SOX6: variants seen among roughly 807,000 people sequenced by gnomAD.
The protein encoded by SOX6 is SRY-box transcription factor 6.
A neutral mutation model predicts 97.8 loss-of-function variants in SOX6; 11 were observed. That is an observed-to-expected ratio of 0.11 (90% CI 0.07 to 0.19). The LOEUF (loss-of-function observed/expected upper bound fraction) is 0.19, where lower values mean the gene tolerates loss of function less well. Among genes scored for constraint, SOX6 ranks in the 10% least tolerant of loss-of-function variants. The pLI is 1.00. For missense variants in SOX6, 810 were observed against 1,039.5 expected (o/e 0.78, Z 3.04); for synonymous variants, 360 against 371.4 (o/e 0.97, Z 0.35).
intron 4 of SOX6, among the ~76,000 whole-genome samples, chr11:16,224,460 T>A (rs1445004560): frequency 6.6e-6 from 1 of 152,064 alleles, no homozygotes; most frequent in Non-Finnish European, 1.5e-5. Flanking sequence ...CTTAATCATA[T>A]GGTAGGAATT....
intron 3 of SOX6, among the ~76,000 whole-genome samples, chr11:16,623,327 C>A (rs1477618514): frequency 6.6e-6 from 1 of 152,138 alleles, no homozygotes; most frequent in Non-Finnish European, 1.5e-5. Flanking sequence ...AGCTGCTGAG[C>A]ATTTTTTAAT....
At chr11:16,356,010 G>A (rs967987438) in intron 1 of SOX6, among the ~76,000 whole-genome samples, 84 bp downstream of exon 1, 1 of 151,904 alleles carries the variant, frequency 6.6e-6, no homozygotes, top group Admixed American at 6.6e-5. Context: ...CACCCAATCA[G>A]GTAGGCTTTG....
chr11:16,222,656 G>C (rs1311074077), intron 4 of SOX6, among the ~76,000 whole-genome samples: 1 of 152,076 alleles, frequency 6.6e-6, no homozygotes, highest in African/African-American at 2.4e-5. Flanking sequence ...GAGTGCAAAT[G>C]TCTCCTGTCA....
At chr11:16,290,794 G>C (rs1308303351) in intron 3 of SOX6, among the ~76,000 whole-genome samples, 1 of 151,986 alleles carries the variant, frequency 6.6e-6, no homozygotes, top group East Asian at 1.9e-4. Flanking sequence ...TCATTTTCAG[G>C]CAATTACCTT....
intron 3 of SOX6, chr11:16,311,317 A>C (rs143939924): frequency 6.6e-6 from 1 of 152,270 alleles, no homozygotes; most frequent in East Asian, 1.9e-4. Flanking sequence ...AATAGTTATA[A>C]TTACAGAAGC....
chr11:16,334,247 G>T (rs1357895501), intron 2 of SOX6, among the ~76,000 whole-genome samples: 1 of 151,778 alleles, frequency 6.6e-6, no homozygotes, highest in African/African-American at 2.4e-5. Context: ...AAATACAAAA[G>T]AAATGCAAAA....
intron 3 of SOX6, among the ~76,000 whole-genome samples, chr11:16,692,878 A>T (rs1848026700): frequency 6.6e-6 from 1 of 152,208 alleles, no homozygotes; most frequent in Admixed American, 6.5e-5. Flanking sequence ...AAATTGCATC[A>T]TATCATAAGC....
At chr11:16,648,854 A>G (rs942451627) in intron 3 of SOX6, among the ~76,000 whole-genome samples, 11 of 152,218 alleles carry the variant, frequency 7.2e-5, no homozygotes, top group Non-Finnish European at 1.5e-4. Flanking sequence ...AACAAACTTA[A>G]AAATTATATT....
chr11:16,649,428 G>A (rs1054364349), intron 3 of SOX6, among the ~76,000 whole-genome samples: 2 of 152,130 alleles, frequency 1.3e-5, no homozygotes, highest in Non-Finnish European at 2.9e-5. Flanking sequence ...CTTCTCAGCA[G>A]AAACCTTACA....
At chr11:16,165,041 C>A (rs985572930) in intron 6 of SOX6, among the ~76,000 whole-genome samples, 1 of 152,054 alleles carries the variant, frequency 6.6e-6, no homozygotes, top group Non-Finnish European at 1.5e-5. Context: ...AATAGTAAAG[C>A]AGTTCTTTAA....
intron 4 of SOX6, among the ~76,000 whole-genome samples, chr11:16,525,324 G>A (rs1435060848): frequency 2.7e-5 from 4 of 150,324 alleles, no homozygotes; most frequent in Non-Finnish European, 3.0e-5. Flanking sequence ...CAGAAATAAC[G>A]CCGCATATCT....
intron 4 of SOX6, among the ~76,000 whole-genome samples, chr11:16,514,783 G>T (rs1860940599): frequency 6.7e-6 from 1 of 148,258 alleles, no homozygotes; most frequent in Admixed American, 6.9e-5. Flanking sequence ...ACCTATGAGT[G>T]AGAATATGCG....
chr11:16,385,963 C>T (rs1857970769), intron 1 of SOX6, among the ~76,000 whole-genome samples: 3 of 152,150 alleles, frequency 2.0e-5, no homozygotes, highest in African/African-American at 7.2e-5. Flanking sequence ...CCTTGGGCCA[C>T]ATTAACATGT....
At chr11:16,223,781 A>C (rs1054672483) in intron 4 of SOX6, among the ~76,000 whole-genome samples, 15 of 152,252 alleles carry the variant, frequency 9.9e-5, no homozygotes, top group African/African-American at 3.6e-4. Context: ...CTTCCAGGAA[A>C]TTGCTAATGA....
At chr11:16,098,332 C>T (rs551695681) in intron 7 of SOX6, among the ~76,000 whole-genome samples, 2 of 151,906 alleles carry the variant, frequency 1.3e-5, no homozygotes, top group South Asian at 4.2e-4. Flanking sequence ...GCATACTAAG[C>T]ACTTATCAAA....
In SOX6 at chr11:16,015,006, C is replaced by T; in HGVS notation, c.1668G>A (p.Lys556=). The change falls in exon 13 of 16, where the codon AAG becomes AAA. Residue 556 remains lysine, a synonymous_variant. Transcript: ENST00000683767. ...GGCCCAGTTTTCCATCTTCATTTGA[C>T]TTTCCCGTTAACTGGGGCCCCAAAT... is the stretch of plus-strand genomic sequence containing the variant. ...FENLGPQLTG[K]SNEDGKLGPG... 7.4e-6 allele frequency: 12 copies of T among 1,612,968 alleles called. No homozygotes were observed. Among genetic ancestry groups the T allele is most frequent in the Non-Finnish European group, 1.0e-5 (12 of 1,179,330 alleles).
chr11:16,624,052 T>A (rs1565196257), intron 3 of SOX6, among the ~76,000 whole-genome samples: 1 of 152,212 alleles, frequency 6.6e-6, no homozygotes, highest in Non-Finnish European at 1.5e-5. Context: ...TGCCTATTCT[T>A]GTTCATTACA....
At chr11:16,169,148 T>C (rs890557139) in intron 6 of SOX6, among the ~76,000 whole-genome samples, 1 of 152,138 alleles carries the variant, frequency 6.6e-6, no homozygotes, top group African/African-American at 2.4e-5. Context: ...TTCAGATCCA[T>C]TTTTATTCTT....
intron 1 of SOX6, among the ~76,000 whole-genome samples, chr11:16,374,765 T>A (rs985978564): frequency 2.0e-5 from 3 of 152,076 alleles, no homozygotes; most frequent in Non-Finnish European, 4.4e-5. Context: ...CTATACTCCA[T>A]AAAATCCAAG....
Sources: allele counts gnomAD v4.1 joint callset (sites outside exome capture counted in the v4.1 genomes callset), GRCh38; gene constraint gnomAD v4.1.1; transcripts MANE v1.5; gene names NCBI Gene and HGNC (gene_info 2026-07-23, HGNC 2026-07-21).